The following FER variants were observed in gnomAD, a reference collection of about 807,000 sequenced individuals.
The protein encoded by FER is FER tyrosine kinase.
A neutral mutation model predicts 111.0 loss-of-function variants in FER; 63 were observed. The observed-to-expected ratio is 0.57, with a 90% CI of 0.46 to 0.70. FER has a LOEUF of 0.70. Among genes scored for constraint, FER ranks in the 30% least tolerant of loss-of-function variants. The probability of loss-of-function intolerance (pLI) is 0.00; values close to 1 mark genes in which losing one functional copy is unlikely to be tolerated. For synonymous variants in FER, 327 were observed against 313.9 expected, an observed-to-expected ratio of 1.04 and a Z score of -0.44; for missense variants, 914 against 954.0, an observed-to-expected ratio of 0.96 and a Z score of 0.55.
At chr5:108,906,237 G>A (rs1245843881) in intron 10 of FER, among the ~76,000 whole-genome samples, 2 of 152,166 alleles carry the variant, frequency 1.3e-5, no homozygotes, top group Non-Finnish European at 2.9e-5. Context: ...ATTATTTGAT[G>A]AAACATCACA....
intron 13 of FER, among the ~76,000 whole-genome samples, chr5:109,010,952 G>T (rs1766183867): frequency 6.6e-6 from 1 of 152,086 alleles, no homozygotes; most frequent in Non-Finnish European, 1.5e-5. Flanking sequence ...AAAAAGTGAG[G>T]AACATACATA....
At chr5:109,055,268 A>G (rs1468992964) in intron 16 of FER, among the ~76,000 whole-genome samples, 1 of 152,186 alleles carries the variant, frequency 6.6e-6, no homozygotes, top group African/African-American at 2.4e-5. Context: ...GATTTTTTGG[A>G]TATTACAGCA....
At chr5:109,164,418 G>C (rs901967757) in intron 17 of FER, among the ~76,000 whole-genome samples, 1 of 152,086 alleles carries the variant, frequency 6.6e-6, no homozygotes, top group African/African-American at 2.4e-5. Context: ...AGGTCCTCTG[G>C]TCCTTGTTTA....
In FER at chr5:108,748,770, C is replaced by T. The variant is rs559698581; in HGVS notation, c.-206+770C>T. On this transcript the variant is annotated intron_variant, in intron 1 of 19. Transcript: ENST00000281092. ...GGGACCGGGCCAATCGGCCGCTCCC[C>T]GCCTCCTGGGAGGTAGTGGAGGAGG... is the stretch of plus-strand genomic sequence containing the variant. 3 of 152,612 alleles carry T rather than the reference C, an allele frequency of 2.0e-5. No homozygotes were observed. The East Asian group carries it at 5.8e-4, about 29-fold the overall frequency. 9.5% of individuals were successfully genotyped at this position (152,612 alleles called of 1,614,324 possible). A position where few individuals can be genotyped will look rare whatever the true frequency, so the allele number is the denominator to read the frequency against.
intron 10 of FER, among the ~76,000 whole-genome samples, chr5:108,923,436 T>G (rs754604312): frequency 2.0e-5 from 3 of 152,146 alleles, no homozygotes; most frequent in Non-Finnish European, 4.4e-5. Flanking sequence ...CAGGGAAGTT[T>G]TACGGAGTAA....
At chr5:108,899,525 G>A (rs1444784155) in intron 10 of FER, among the ~76,000 whole-genome samples, 8 of 152,152 alleles carry the variant, frequency 5.3e-5, no homozygotes, top group South Asian at 2.1e-4. Context: ...TTGGCTGGGC[G>A]CGGTGGCTCA....
At chr5:109,143,499 A>G (rs1381023455) in intron 17 of FER, among the ~76,000 whole-genome samples, 1 of 152,030 alleles carries the variant, frequency 6.6e-6, no homozygotes, top group Non-Finnish European at 1.5e-5. Flanking sequence ...TGTAACTTAC[A>G]TTTCAGAATT....
At chr5:108,967,406 G>A (rs1018733891) in intron 13 of FER, among the ~76,000 whole-genome samples, 1 of 152,140 alleles carries the variant, frequency 6.6e-6, no homozygotes, top group African/African-American at 2.4e-5. Flanking sequence ...TGATTGGTTT[G>A]TGAGTATGCA....
chr5:108,817,167 G>T (rs1758375266), intron 3 of FER, among the ~76,000 whole-genome samples: 1 of 135,614 alleles, frequency 7.4e-6, no homozygotes, highest in Non-Finnish European at 1.5e-5. Flanking sequence ...TGCAGCCAGA[G>T]TTGTGAACCA....
chr5:109,083,112 G>A (rs1777177248), intron 16 of FER, among the ~76,000 whole-genome samples: 1 of 152,016 alleles, frequency 6.6e-6, no homozygotes, highest in Non-Finnish European at 1.5e-5. Context: ...GCCCTAGTAT[G>A]TGTAAAAATA....
chr5:108,959,240 G>C lies in FER; in HGVS notation c.1549G>C (p.Glu517Gln), dbSNP rs764688399. Residue 517 changes from glutamate (E) to glutamine (Q), a missense_variant, in exon 13 of 20, where the codon GAG becomes CAG. This residue lies in a region of FER where 774 missense variants were observed against 782.6 expected (regional missense o/e 0.99). Coordinates refer to ENST00000281092, the MANE Select transcript of FER (RefSeq NM_005246.4). The part of the protein sequence containing the change: ...IQYVDNMYRF[E>Q]GTGFSNIPQL... ...CTCTCTCCAGAACATGTATCGATTC[G>C]AGGGCACTGGGTTTTCAAACATTCC... 1 of 1,611,116 alleles carries C rather than the reference G, an allele frequency of 6.2e-7. No individual in the cohort carries two copies. Among genetic ancestry groups the C allele is most frequent in the African/African-American group, 1.3e-5 (1 of 74,846 alleles).
intron 17 of FER, among the ~76,000 whole-genome samples, chr5:109,101,620 T>C (rs564722898): frequency 1.3e-5 from 2 of 152,130 alleles, no homozygotes; most frequent in Non-Finnish European, 1.5e-5. Context: ...TTAAAATTCA[T>C]TTCTATGGAG....
intron 13 of FER, among the ~76,000 whole-genome samples, chr5:108,979,567 T>G (rs1014174326): frequency 6.6e-6 from 1 of 152,154 alleles, no homozygotes; most frequent in African/African-American, 2.4e-5. Context: ...AATTAAAAAG[T>G]AATTCTTATT....
At position 108,793,522 on chromosome 5, in the gene FER, G is replaced by C. The variant is rs556378613; in HGVS notation, c.-59-4602G>C. On this transcript the variant is annotated intron_variant, in intron 2 of 19. Transcript: ENST00000281092. ...ATCTATTTTTTTTTTGGCGGGGCGG[G>C]GGGGGTGGTTATATACCCAGCAGCG... Among the ~76,000 whole-genome samples, 22 of 136,662 alleles carry C rather than the reference G, an allele frequency of 1.6e-4. 1 individual carries two copies. Among genetic ancestry groups the C allele is most frequent in the South Asian group, 9.7e-4 (4 of 4,132 alleles). 89.7% of individuals were successfully genotyped at this position (136,662 alleles called of 152,430 possible).
At chr5:109,028,521 C>T (rs1343928963) in intron 13 of FER, among the ~76,000 whole-genome samples, 1 of 152,094 alleles carries the variant, frequency 6.6e-6, no homozygotes, top group Non-Finnish European at 1.5e-5. Flanking sequence ...TTAGAAAGGA[C>T]ATAAGCTTCA....
intron 13 of FER, among the ~76,000 whole-genome samples, chr5:109,012,337 T>C (rs1302430665): frequency 6.6e-6 from 1 of 152,208 alleles, no homozygotes; most frequent in African/African-American, 2.4e-5. Context: ...GTGAGTTGCT[T>C]ATTTAGTATG....
intron 10 of FER, among the ~76,000 whole-genome samples, chr5:108,907,394 A>G (rs868132627): frequency 6.6e-6 from 1 of 151,922 alleles, no homozygotes; most frequent in South Asian, 2.1e-4. Context: ...TCCTGGGTTC[A>G]AGCAATTCTT....
chr5:108,912,369 G>GT (rs1751676098), intron 10 of FER, among the ~76,000 whole-genome samples: 1 of 151,770 alleles, frequency 6.6e-6, no homozygotes, highest in African/African-American at 2.4e-5. Context: ...GACTTTTTTT[G>GT]TTTTTTCTTG....
rs1340119714 is a variant in FER, at chr5:109,180,899, A to T, written c.2201A>T (p.Tyr734Phe). ...IKWTAPEALN[Y>F]GRYSSESDVW... is the part of the protein sequence containing the mutation. Reference sequence around the variant, plus strand: ...TGGACAGCACCGGAAGCTCTTAATTATGGTAAGAATAGACCACATTTTTTT... The same window carrying T: ...TGGACAGCACCGGAAGCTCTTAATTTTGGTAAGAATAGACCACATTTTTTT... The change falls in exon 18 of 20, where the codon TAT (tyrosine) becomes TTT (phenylalanine). Residue 734 changes from tyrosine to phenylalanine, a missense_variant and splice_region_variant. Physicochemically the swap from Tyr to Phe is conservative, Grantham distance 22. Coordinates refer to ENST00000281092, the MANE Select transcript of FER (RefSeq NM_005246.4). The T allele has an allele frequency of 6.3e-7, 1 of 1,596,982 alleles. No homozygotes were observed. The highest frequency in any genetic ancestry group is 8.5e-7 in the Non-Finnish European group (1 of 1,175,120).
Sources: gnomAD v4.1 joint callset for allele counts (sites outside exome capture counted in the v4.1 genomes callset) on GRCh38, gnomAD v4.1.1 for gene constraint, gnomAD v4.1.1 regional missense constraint, MANE v1.5 for transcripts, NCBI Gene and HGNC (gene_info 2026-07-23, HGNC 2026-07-21) for gene names.